Variants in SLC12A5 observed in about 807,000 individuals in gnomAD.
SLC12A5 encodes the protein K-Cl cotransporter 2.
SLC12A5 carries 18 observed loss-of-function variants against 124.0 expected under a neutral mutation model. The observed-to-expected ratio is 0.15, with a 90% CI of 0.10 to 0.22. The LOEUF is 0.22. Among genes scored for constraint, SLC12A5 ranks in the 10% least tolerant of loss-of-function variants. The probability of loss-of-function intolerance (pLI) is 1.00; values close to 1 mark genes in which losing one functional copy is unlikely to be tolerated. For missense variants in SLC12A5, 867 were observed against 1,478.7 expected, an observed-to-expected ratio of 0.59 and a Z score of 6.78; for synonymous variants, 589 against 568.0, an observed-to-expected ratio of 1.04 and a Z score of -0.53.
At chr20:46,043,118 G>A in intron 8 of SLC12A5, 35 bp from the exon 9 acceptor site, 2 of 1,606,468 alleles carry the variant, frequency 1.2e-6, no homozygotes, top group Non-Finnish European at 1.7e-6. Context: ...TCCCCTTATG[G>A]CTGGCCTCCC....
At position 46,058,464 on chromosome 20, in the gene SLC12A5, T is replaced by G. The variant is rs2084717449; in HGVS notation, c.*859T>G. The G allele has an allele frequency of 2.5e-6, 1 of 399,042 alleles. No homozygotes were observed. The highest frequency in any genetic ancestry group is 1.3e-4 in the South Asian group (1 of 7,868). 24.7% of individuals were successfully genotyped at this position (399,042 alleles called of 1,614,324 possible). A position where few individuals can be genotyped will look rare whatever the true frequency, so the allele number is the denominator to read the frequency against. On this transcript the variant is annotated 3_prime_UTR_variant, in exon 26 of 26. Coordinates refer to ENST00000243964, the MANE Select transcript of SLC12A5 (RefSeq NM_020708.5). The surrounding 1 kb of genome is among the most constrained non-coding windows in gnomAD (Gnocchi z 5.8). ...GATTCGCCTCCCAGCGGACGTGAGC[T>G]TCCACTGCGGCTGCAGAGACGCGAG...
upstream of SLC12A5, among the ~76,000 whole-genome samples, chr20:46,026,589 G>A (rs138667179): frequency 2.6e-4 from 40 of 152,364 alleles, no homozygotes; most frequent in East Asian, 6.7e-3. Context: ...TCACTTGGTC[G>A]GGGCTCCTTA....
intron 14 of SLC12A5, 88 bp from the exon 15 acceptor site, chr20:46,047,366 C>G: frequency 1.3e-6 from 2 of 1,558,678 alleles, no homozygotes; most frequent in Non-Finnish European, 1.7e-6. Flanking sequence ...TGCCCATGCC[C>G]TGCCCCATCT....
At chr20:46,028,658 A>G (rs140110021), upstream of SLC12A5, among the ~76,000 whole-genome samples, 17 of 152,170 alleles carry the variant, frequency 1.1e-4, no homozygotes, top group African/African-American at 3.9e-4. Flanking sequence ...TCTCTTGAGC[A>G]GTGGTATGAA....
chr20:46,059,520 G>C lies in SLC12A5; in HGVS notation c.*1915G>C, dbSNP rs988259641. 8.0e-5 allele frequency: 32 copies of C among 398,906 alleles called. No individual in the cohort carries two copies. Among genetic ancestry groups the C allele is most frequent in the Non-Finnish European group, 8.8e-6 (2 of 226,064 alleles). The allele number at this position is 398,906 out of a possible 1,614,324, so 24.7% of individuals were successfully genotyped here. ...GCCTTCTGGGGGCCTGAATATTCCAGAGCTGATGTGATGGGCTGTGCAGAA... is the reference window on the plus strand; with the variant it reads ...GCCTTCTGGGGGCCTGAATATTCCACAGCTGATGTGATGGGCTGTGCAGAA... On this transcript the variant is annotated 3_prime_UTR_variant, in exon 26 of 26. Coordinates refer to ENST00000243964, the MANE Select transcript of SLC12A5 (RefSeq NM_020708.5).
Position 46,035,976 on chromosome 20 carries a change from G to A in SLC12A5, c.426+53G>A, listed in dbSNP as rs550632713. On this transcript the variant is annotated intron_variant, in intron 4 of 25. Coordinates refer to ENST00000243964, the MANE Select transcript of SLC12A5 (RefSeq NM_020708.5). ...CCCTGACAGCTGGGGCTTGGCAGAGGCCTGGGGGTGGGAGGTGGGAGGATG... is the reference window on the plus strand; with the variant it reads ...CCCTGACAGCTGGGGCTTGGCAGAGACCTGGGGGTGGGAGGTGGGAGGATG... 4.2e-4 allele frequency: 660 copies of A among 1,559,096 alleles called. 11 individuals are homozygous for A. In the South Asian group the frequency reaches 6.9e-3, roughly 16 times the overall value.
At chr20:46,036,680 C>G in intron 4 of SLC12A5, 61 bp from the exon 5 acceptor site, 1 of 1,587,054 alleles carries the variant, frequency 6.3e-7, no homozygotes, top group Admixed American at 1.7e-5. Flanking sequence ...AGGCTTGGCC[C>G]CCACCCAGGC....
Position 46,036,788 on chromosome 20 carries a change from T to C in SLC12A5, c.474T>C (p.Val158=). The C allele has an allele frequency of 6.2e-7, 1 of 1,613,922 alleles. No homozygotes were observed. Among genetic ancestry groups the C allele is most frequent in the Non-Finnish European group, 8.5e-7 (1 of 1,179,908 alleles). Residue 158 remains valine (V), a synonymous_variant, in exon 5 of 26, where the codon GTT becomes GTC. Transcript: ENST00000243964. ...ISMSAIATNG[V]VPAGGSYYMI... ...TGAGTGCAATTGCAACGAATGGTGT[T>C]GTGCCTGGTAGGTGACTGGGGCTTT...
At chr20:46,023,389 G>A (rs1460863772) in exon 3 of SLC12A5, 1 of 398,514 alleles carries the variant, frequency 2.5e-6, no homozygotes, top group East Asian at 3.6e-5. Flanking sequence ...TGATCCCCAC[G>A]TCTTGGCCAT....
rs1483727842 is a variant in SLC12A5, at chr20:46,045,582, C to T, written c.1570-296C>T. Among the ~76,000 whole-genome samples, 1 of 152,042 alleles carries T rather than the reference C, an allele frequency of 6.6e-6. No homozygotes were observed. Among genetic ancestry groups the T allele is most frequent in the African/African-American group, 2.4e-5 (1 of 41,396 alleles). ...AAAAAAGACGGATGGAGCACAGGGT[C>T]GTGGTGGCTTGCTGGCTTCCTGACA... On this transcript the variant is annotated intron_variant, in intron 12 of 25. Coordinates refer to ENST00000243964, the MANE Select transcript of SLC12A5 (RefSeq NM_020708.5). The surrounding 1 kb of genome is among the most constrained non-coding windows in gnomAD (Gnocchi z 4.9).
At chr20:46,022,681 A>G (rs2084365072) in intron 1 of SLC12A5, 1 of 396,292 alleles carries the variant, frequency 2.5e-6, no homozygotes, top group East Asian at 3.6e-5. Flanking sequence ...CGAGCTCCGT[A>G]AGGGTTGGGA....
intron 1 of SLC12A5, among the ~76,000 whole-genome samples, chr20:46,033,265 G>A (rs749684945): frequency 1.2e-4 from 19 of 152,174 alleles, no homozygotes; most frequent in Admixed American, 5.2e-4. Context: ...CCATCGAGGG[G>A]ACAGGAGAAT....
Position 46,054,943 on chromosome 20 carries a change from T to C in SLC12A5, c.2707T>C (p.Tyr903His), listed in dbSNP as rs1368465015. 6.3e-7 allele frequency: 1 copy of C among 1,597,406 alleles called. No homozygotes were observed. Among genetic ancestry groups the C allele is most frequent in the Non-Finnish European group, 8.5e-7 (1 of 1,169,706 alleles). The part of the protein sequence containing the change: ...MHESDISAYT[Y>H]EKTLVMEQRS... Reference sequence around the variant, plus strand: ...TGAGAGCGACATCTCAGCTTACACCTATGAGAAGACGTTGGTGATGGAGCA... The same window carrying C: ...TGAGAGCGACATCTCAGCTTACACCCATGAGAAGACGTTGGTGATGGAGCA... Residue 903 changes from tyrosine to histidine, a missense_variant, in exon 21 of 26, where the codon TAT becomes CAT. This residue lies in a region of SLC12A5 where 70 missense variants were observed against 157.2 expected (regional missense o/e 0.45). Transcript: ENST00000243964.
Position 46,029,263 on chromosome 20 carries a change from G to T in SLC12A5, c.-82G>T. On this transcript the variant is annotated 5_prime_UTR_variant, in exon 1 of 26. Transcript: ENST00000243964. ...GCGGAGAGCGAGACAGAGCTACAGC[G>T]AACGAGAGAGCGGCGAAGGCGGGTA... The T allele has an allele frequency of 2.0e-6, 3 of 1,497,856 alleles. No individual in the cohort carries two copies. The highest frequency in any genetic ancestry group is 2.7e-6 in the Non-Finnish European group (3 of 1,124,088). The allele number at this position is 1,497,856 out of a possible 1,614,324, so 92.8% of individuals were successfully genotyped here. A position where few individuals can be genotyped will look rare whatever the true frequency, so the allele number is the denominator to read the frequency against.
intron 17 of SLC12A5, among the ~76,000 whole-genome samples, chr20:46,050,566 C>T (rs74867005): frequency 6.6e-6 from 1 of 152,242 alleles, no homozygotes. Flanking sequence ...AGGGGCACCC[C>T]GATGGCTTGC....
chr20:46,057,839 C>T lies in SLC12A5; in HGVS notation c.*234C>T, dbSNP rs2084711463. On this transcript the variant is annotated 3_prime_UTR_variant, in exon 26 of 26. Transcript: ENST00000243964. The surrounding 1 kb of genome is among the most constrained non-coding windows in gnomAD (Gnocchi z 7.1). ...CAGTTTGGCCCCTGGGTCTTCGCTGCCCTTTTTCTAAGCCCGGCCTCGTCT... is the reference window on the plus strand; with the variant it reads ...CAGTTTGGCCCCTGGGTCTTCGCTGTCCTTTTTCTAAGCCCGGCCTCGTCT... The T allele has an allele frequency of 6.4e-6, 3 of 471,948 alleles. No individual in the cohort carries two copies. Among genetic ancestry groups the T allele is most frequent in the Non-Finnish European group, 1.1e-5 (3 of 269,554 alleles). 29.2% of individuals were successfully genotyped at this position (471,948 alleles called of 1,614,324 possible). A position where few individuals can be genotyped will look rare whatever the true frequency, so the allele number is the denominator to read the frequency against.
Position 46,041,548 on chromosome 20 carries a change from G to A in SLC12A5, c.1066+8G>A. The A allele has an allele frequency of 6.2e-7, 1 of 1,613,424 alleles. No homozygotes were observed. The highest frequency in any genetic ancestry group is 2.2e-5 in the East Asian group (1 of 44,882). ...CCAGTGGCCTCATCAAAGGTCTGCG[G>A]AGGGACAAGGGCTGGCATCCAGGGA... On this transcript the variant is annotated splice_region_variant and intron_variant, in intron 8 of 25. Coordinates refer to ENST00000243964, the MANE Select transcript of SLC12A5 (RefSeq NM_020708.5).
Position 46,036,724 on chromosome 20 carries a change from G to A in SLC12A5, c.427-17G>A. 7 of 1,613,502 alleles carry A rather than the reference G, an allele frequency of 4.3e-6. No individual in the cohort carries two copies. The highest frequency in any genetic ancestry group is 5.9e-6 in the Non-Finnish European group (7 of 1,179,690). On this transcript the variant is annotated splice_polypyrimidine_tract_variant and intron_variant, in intron 4 of 25. Transcript: ENST00000243964. ...CCCCTACCCCAGCCACCGCTCTGAT[G>A]ATCTCTTTCCTCACAGACGATGCTC...
intron 1 of SLC12A5, among the ~76,000 whole-genome samples, chr20:46,033,286 A>G (rs996396232): frequency 2.0e-5 from 3 of 152,292 alleles, no homozygotes; most frequent in Admixed American, 6.5e-5. Context: ...CTAGGTGCCT[A>G]GGGCCTCAAT....
Sources: gnomAD v4.1 joint callset for allele counts (sites outside exome capture counted in the v4.1 genomes callset) on GRCh38, gnomAD v4.1.1 for gene constraint, gnomAD v4.1.1 regional missense constraint, Gnocchi (gnomAD v3.1) non-coding constraint, MANE v1.5 for transcripts, NCBI Gene and HGNC (gene_info 2026-07-23, HGNC 2026-07-21) for gene names.